Variants in CRISPLD2 observed in about 807,000 individuals in gnomAD.
CRISPLD2 encodes cysteine-rich secretory protein LCCL domain-containing 2.
In CRISPLD2, 47 loss-of-function variants were observed where a neutral mutation model predicts 71.1. The observed-to-expected ratio is 0.66, with a 90% CI of 0.52 to 0.84. CRISPLD2 has a LOEUF of 0.84. CRISPLD2 is among the 40% of genes least tolerant of loss of function. The pLI, the probability that CRISPLD2 is intolerant of heterozygous loss-of-function variation, is 0.00. For synonymous variants in CRISPLD2, 317 were observed against 250.1 expected (o/e 1.27, Z -2.52); for missense variants, 830 against 651.1 (o/e 1.27, Z -2.99).
At chr16:84,849,259 C>T in intron 3 of CRISPLD2, 126 bp from the exon 4 acceptor site, 1 of 946,414 alleles carries the variant, frequency 1.1e-6, no homozygotes, top group Non-Finnish European at 1.6e-6. Context: ...CCCGTGGCTG[C>T]TCCTGGAATT....
intron 8 of CRISPLD2, among the ~76,000 whole-genome samples, chr16:84,871,353 C>T (rs906824045): frequency 6.6e-5 from 10 of 151,134 alleles, no homozygotes; most frequent in Admixed American, 6.6e-4. Context: ...CCCAGGAGTT[C>T]GAAACCAGCC....
At chr16:84,853,405 C>T (rs959442014) in intron 5 of CRISPLD2, among the ~76,000 whole-genome samples, 6 of 152,184 alleles carry the variant, frequency 3.9e-5, no homozygotes, top group African/African-American at 7.2e-5. Flanking sequence ...TGGCATGGCA[C>T]GGACGCGATC....
intron 14 of CRISPLD2, among the ~76,000 whole-genome samples, chr16:84,904,546 T>C (rs774473247): frequency 2.0e-5 from 3 of 151,186 alleles, no homozygotes; most frequent in Non-Finnish European, 2.9e-5. Flanking sequence ...ATTGCACCAC[T>C]GTACTCCAGC....
At chr16:84,859,397 A>C (rs1033876708) in intron 6 of CRISPLD2, among the ~76,000 whole-genome samples, 4 of 152,080 alleles carry the variant, frequency 2.6e-5, no homozygotes, top group Non-Finnish European at 5.9e-5. Flanking sequence ...TAGTCCCCAA[A>C]ATGTCTGATC....
intron 12 of CRISPLD2, 29 bp from the exon 13 acceptor site, chr16:84,880,480 C>T: frequency 6.3e-7 from 1 of 1,591,666 alleles, no homozygotes; most frequent in South Asian, 1.1e-5. Flanking sequence ...GTGCTCAGAC[C>T]CATCACATAA....
chr16:84,901,409 C>T (rs111316178), intron 14 of CRISPLD2, among the ~76,000 whole-genome samples: 128 of 150,500 alleles, frequency 8.5e-4, no homozygotes, highest in African/African-American at 2.3e-3. Context: ...CTAAAATGTG[C>T]GGCTATGATT....
chr16:84,895,805 T>C (rs1882460638), intron 14 of CRISPLD2, among the ~76,000 whole-genome samples: 1 of 152,104 alleles, frequency 6.6e-6, no homozygotes, highest in Admixed American at 6.6e-5. Flanking sequence ...ACCTGCTGGA[T>C]GCTCGCCTCT....
chr16:84,873,881 T>G, intron 10 of CRISPLD2, 39 bp from the exon 11 acceptor site: 1 of 1,541,390 alleles, frequency 6.5e-7, no homozygotes. Context: ...TATTTGCATT[T>G]ACCTAATGCC....
At chr16:84,888,686 A>G (rs911930021) in intron 13 of CRISPLD2, among the ~76,000 whole-genome samples, 2 of 152,050 alleles carry the variant, frequency 1.3e-5, no homozygotes, top group African/African-American at 2.4e-5. Context: ...CTTGGATATG[A>G]TGAGTTTATA....
intron 5 of CRISPLD2, 121 bp from the exon 6 acceptor site, chr16:84,854,608 A>T (rs1445084102): frequency 2.7e-6 from 2 of 732,328 alleles, no homozygotes; most frequent in East Asian, 2.5e-5. Flanking sequence ...ACAGCACACA[A>T]CCTTCCCCCC....
chr16:84,887,874 C>G (rs1371342586), intron 13 of CRISPLD2, among the ~76,000 whole-genome samples: 1 of 152,092 alleles, frequency 6.6e-6, no homozygotes, highest in African/African-American at 2.4e-5. Flanking sequence ...GAAACTCCGT[C>G]TCAAAAAATA....
At chr16:84,834,451 C>A (rs1042103933) in intron 1 of CRISPLD2, among the ~76,000 whole-genome samples, 4 of 152,224 alleles carry the variant, frequency 2.6e-5, no homozygotes, top group African/African-American at 9.6e-5. Context: ...GGCTGCCGGG[C>A]ACTGCCCCTG....
chr16:84,888,932 C>A (rs554658139), intron 13 of CRISPLD2, among the ~76,000 whole-genome samples: 8 of 152,346 alleles, frequency 5.3e-5, no homozygotes, highest in African/African-American at 1.7e-4. Context: ...GCTCACTCGA[C>A]TCTTTGAAGG....
At chr16:84,853,393 T>TGTGGC (rs1328333312) in intron 5 of CRISPLD2, among the ~76,000 whole-genome samples, 1 of 152,172 alleles carries the variant, frequency 6.6e-6, no homozygotes, top group Non-Finnish European at 1.5e-5. Flanking sequence ...AGGGATGTCT[T>TGTGGC]GTGGCATGGC....
rs1309730207 is a variant in CRISPLD2 at position 84,873,909 on chromosome 16, TTTTTA to T, written c.1113-10_1113-6del. On this transcript the variant is annotated splice_region_variant and splice_polypyrimidine_tract_variant and intron_variant, in intron 10 of 14. Transcript: ENST00000262424. The stretch of plus-strand genomic sequence containing the variant: ...CTAATGCCCGTTTTTTTTTTTTTTT[TTTTTA>T]AACAGCAAATACAAACCTTCCAGCT... 1.3e-6 allele frequency: 2 copies of T among 1,579,664 alleles called. No homozygotes were observed. Among genetic ancestry groups the T allele is most frequent in the African/African-American group, 1.4e-5 (1 of 72,500 alleles).
Position 84,854,582 on chromosome 16 carries a change from A to G in CRISPLD2, c.609-147A>G. 3 of 667,478 alleles carry G rather than the reference A, an allele frequency of 4.5e-6. No individual in the cohort carries two copies. The South Asian group carries it at 5.4e-5, about 12-fold the overall frequency. 41.3% of individuals were successfully genotyped at this position (667,478 alleles called of 1,614,324 possible). ...TGCACGGGAGAGGCCTGGGATAGCC[A>G]TCTTTCCCGCTTCCCACAGCACACA... On this transcript the variant is annotated intron_variant, in intron 5 of 14. Transcript: ENST00000262424.
chr16:84,874,998 T>C (rs1000897933), intron 11 of CRISPLD2, among the ~76,000 whole-genome samples: 1 of 152,152 alleles, frequency 6.6e-6, no homozygotes, highest in Non-Finnish European at 1.5e-5. Context: ...CTCAGCACTT[T>C]GGGAGACTGA....
chr16:84,885,812 C>CTGT (rs2071607757), intron 13 of CRISPLD2, among the ~76,000 whole-genome samples: 1 of 95,772 alleles, frequency 1.0e-5, no homozygotes, highest in Non-Finnish European at 2.1e-5. Context: ...TGGATCCCTT[C>CTGT]TTTTTTTTTT....
chr16:84,845,340 T>A (rs112044255), intron 2 of CRISPLD2, among the ~76,000 whole-genome samples: 5 of 151,256 alleles, frequency 3.3e-5, no homozygotes, highest in Admixed American at 3.3e-4. Flanking sequence ...TGTGCCTGGA[T>A]CATGCGTAGT....
Sources: allele counts gnomAD v4.1 joint callset (sites outside exome capture counted in the v4.1 genomes callset), GRCh38; gene constraint gnomAD v4.1.1; transcripts MANE v1.5; gene names NCBI Gene and HGNC (gene_info 2026-07-23, HGNC 2026-07-21).